ADGRG5: variants seen among roughly 807,000 people sequenced by gnomAD.
The protein encoded by ADGRG5 is adhesion G protein-coupled receptor G5, also known as G protein-coupled receptor 114.
ADGRG5 carries 37 observed loss-of-function variants against 53.2 expected under a neutral mutation model. The observed-to-expected ratio is 0.70, with a 90% CI of 0.53 to 0.91. The LOEUF is 0.91. Ranked by LOEUF, ADGRG5 falls within the 40% of genes least tolerant of loss-of-function variation. The pLI is 0.00. For synonymous variants in ADGRG5, 277 were observed against 290.4 expected (o/e 0.95, Z 0.47); for missense variants, 614 against 675.8 (o/e 0.91, Z 1.01).
upstream of ADGRG5, among the ~76,000 whole-genome samples, chr16:57,542,017 G>A (rs148238572): frequency 2.4e-4 from 37 of 152,322 alleles, no homozygotes; most frequent in East Asian, 6.0e-3. Context: ...GAAATATGAC[G>A]GCTTCATAGA....
At chr16:57,573,048 T>C (rs1288216194) in intron 10 of ADGRG5, among the ~76,000 whole-genome samples, 1 of 152,090 alleles carries the variant, frequency 6.6e-6, no homozygotes, top group African/African-American at 2.4e-5. Flanking sequence ...GTACTTGCCT[T>C]ATGGGTTGTC....
Position 57,574,730 on chromosome 16 carries a change from A to G in ADGRG5, c.1209-85A>G, listed in dbSNP as rs2033462901. On this transcript the variant is annotated intron_variant, in intron 10 of 11. Coordinates refer to ENST00000349457, the MANE Select transcript of ADGRG5 (RefSeq NM_001304376.3). This position sits in a 1 kb window ranked among gnomAD's most constrained non-coding sequence, Gnocchi z 4.4. Reference sequence around the variant, plus strand: ...GAAACAATAGGGCCTGAGCCAGGAGACCGAGTGGGGCTTCAGGGAGTGATG... The same window carrying G: ...GAAACAATAGGGCCTGAGCCAGGAGGCCGAGTGGGGCTTCAGGGAGTGATG... 2.9e-5 allele frequency: 41 copies of G among 1,402,592 alleles called. No homozygotes were observed. Among genetic ancestry groups the G allele is most frequent in the Non-Finnish European group, 3.8e-5 (40 of 1,046,374 alleles). 86.9% of individuals were successfully genotyped at this position (1,402,592 alleles called of 1,614,324 possible). A position where few individuals can be genotyped will look rare whatever the true frequency, so the allele number is the denominator to read the frequency against.
chr16:57,541,651 T>C (rs146925922), upstream of ADGRG5, among the ~76,000 whole-genome samples: 1 of 152,244 alleles, frequency 6.6e-6, no homozygotes, highest in African/African-American at 2.4e-5. Flanking sequence ...CTGTCTGGTT[T>C]CTCCCTTTTG....
rs1490618086 is a variant in ADGRG5 at position 57,575,984 on chromosome 16, AG to A, written c.*451del. 1.9e-5 allele frequency: 3 copies of A among 158,504 alleles called. No homozygotes were observed. Among genetic ancestry groups the A allele is most frequent in the African/African-American group, 7.2e-5 (3 of 41,636 alleles). 9.8% of individuals were successfully genotyped at this position (158,504 alleles called of 1,614,324 possible). A position where few individuals can be genotyped will look rare whatever the true frequency, so the allele number is the denominator to read the frequency against. ...AGCTTAGTAAAAATTGCATAAGACCAGGGGGAAGAGTGTCAGCGTGGGGTGG... is the reference window on the plus strand; with the variant it reads ...AGCTTAGTAAAAATTGCATAAGACCAGGGGAAGAGTGTCAGCGTGGGGTGG... On this transcript the variant is annotated 3_prime_UTR_variant, in exon 12 of 12. Coordinates refer to ENST00000349457, the MANE Select transcript of ADGRG5 (RefSeq NM_001304376.3).
At chr16:57,530,002 G>A in the ADGRG5 span, among the ~76,000 whole-genome samples, 1 of 152,160 alleles carries the variant, frequency 6.6e-6, no homozygotes, top group East Asian at 1.9e-4. Context: ...AAAGAGTGGA[G>A]GTGAAGAAAA....
intron 1 of ADGRG5, among the ~76,000 whole-genome samples, chr16:57,545,906 A>G (rs762765331): frequency 6.6e-6 from 1 of 151,800 alleles, no homozygotes. Flanking sequence ...GCTAACTGCA[A>G]CCTCTGCCTC....
At chr16:57,532,486 G>A in the ADGRG5 span, among the ~76,000 whole-genome samples, 1 of 152,136 alleles carries the variant, frequency 6.6e-6, no homozygotes, top group East Asian at 1.9e-4. Context: ...AAACATCTGT[G>A]CACACACAGA....
rs1213858778 is a variant in ADGRG5, at chr16:57,575,331, G to A, written c.1487-107G>A. 5 of 1,094,690 alleles carry A rather than the reference G, an allele frequency of 4.6e-6. No homozygotes were observed. The Admixed American group carries it at 1.1e-4, about 24-fold the overall frequency. The allele number at this position is 1,094,690 out of a possible 1,614,324, so 67.8% of individuals were successfully genotyped here. On this transcript the variant is annotated intron_variant, in intron 11 of 11. Transcript: ENST00000349457. ...CTGGCCTCCTACAGTAAGAGATTCT[G>A]GGAGTTGCCCATGGGCCCCAGGGAG...
At chr16:57,529,107 A>AGGATGGTCAGGAGGCTGCCCT in the ADGRG5 span, 1 of 1,180,900 alleles carries the variant, frequency 8.5e-7, no homozygotes, top group South Asian at 4.2e-5. The surrounding 1 kb of genome is among the most constrained non-coding windows in gnomAD (Gnocchi z 4.1). Context: ...CGGGCTGCCC[A>AGGATGGTCAGGAGGCTGCCCT]GGATGGTCAG....
intron 1 of ADGRG5, among the ~76,000 whole-genome samples, chr16:57,547,307 C>G (rs2032642174): frequency 6.6e-6 from 1 of 152,192 alleles, no homozygotes; most frequent in African/African-American, 2.4e-5. Flanking sequence ...GGCCACCCTT[C>G]TAGAGCTCCC....
intron 7 of ADGRG5, 99 bp downstream of exon 7, chr16:57,566,850 C>T (rs1246362429): frequency 7.3e-5 from 82 of 1,122,778 alleles, no homozygotes; most frequent in Non-Finnish European, 7.7e-5. Flanking sequence ...GAAAGTCCAA[C>T]TGAAATGGGC....
In ADGRG5 at chr16:57,562,379, C is replaced by A; in HGVS notation, c.65-5C>A. ...ACAAACTGAGGGGGAGGTGTGTCCC[C>A]ACAGAGACATGGGAAGAACTCCTGA... On this transcript the variant is annotated splice_region_variant and splice_polypyrimidine_tract_variant and intron_variant, in intron 2 of 11. Transcript: ENST00000349457. 6.2e-7 allele frequency: 1 copy of A among 1,604,328 alleles called. No individual in the cohort carries two copies.
chr16:57,529,276 C>G, the ADGRG5 span: 31 of 1,117,306 alleles, frequency 2.8e-5, no homozygotes, highest in Non-Finnish European at 3.4e-5. The surrounding 1 kb of genome is among the most constrained non-coding windows in gnomAD (Gnocchi z 4.1). Context: ...ATGATGACGC[C>G]GTGCCCCGCT....
upstream of ADGRG5, among the ~76,000 whole-genome samples, chr16:57,541,203 G>A (rs1741466900): frequency 6.6e-6 from 1 of 152,206 alleles, no homozygotes; most frequent in Non-Finnish European, 1.5e-5. Context: ...GGCACAGTGA[G>A]GCTGGTACAG....
At chr16:57,559,012 A>ATTTTT (rs10564046) in intron 1 of ADGRG5, among the ~76,000 whole-genome samples, 1 of 139,534 alleles carries the variant, frequency 7.2e-6, no homozygotes, top group Non-Finnish European at 1.6e-5. Flanking sequence ...CATCTGCCTA[A>ATTTTT]TTTTTTTTTT....
intron 1 of ADGRG5, among the ~76,000 whole-genome samples, chr16:57,546,867 C>T (rs917888101): frequency 3.3e-5 from 5 of 151,982 alleles, no homozygotes; most frequent in Non-Finnish European, 4.4e-5. Flanking sequence ...TACAGGTGTG[C>T]GCCACCATGC....
At chr16:57,537,296 A>C in the ADGRG5 span, among the ~76,000 whole-genome samples, 3 of 150,810 alleles carry the variant, frequency 2.0e-5, no homozygotes, top group Non-Finnish European at 2.9e-5. Flanking sequence ...TACATCCTGT[A>C]CCCTGGAAGG....
the ADGRG5 span, chr16:57,529,223 G>C: frequency 8.7e-7 from 1 of 1,149,504 alleles, no homozygotes; most frequent in Non-Finnish European, 1.1e-6. The surrounding 1 kb of genome is among the most constrained non-coding windows in gnomAD (Gnocchi z 4.1). Context: ...GTCGGGCTCA[G>C]GGGCGGCTCC....
chr16:57,572,886 C>T (rs990098194), intron 10 of ADGRG5, among the ~76,000 whole-genome samples: 26 of 152,168 alleles, frequency 1.7e-4, no homozygotes, highest in African/African-American at 5.5e-4. Flanking sequence ...ACTGTAGGGG[C>T]AGGAGCCACA....
Sources: gnomAD v4.1 joint callset for allele counts (sites outside exome capture counted in the v4.1 genomes callset) on GRCh38, gnomAD v4.1.1 for gene constraint, Gnocchi (gnomAD v3.1) non-coding constraint, MANE v1.5 for transcripts, NCBI Gene and HGNC (gene_info 2026-07-23, HGNC 2026-07-21) for gene names.